The following EPHB6 variants were observed in gnomAD, a reference collection of about 807,000 sequenced individuals.
The protein encoded by EPHB6 is ephrin type-B receptor 6.
In EPHB6, 51 loss-of-function variants were observed where a neutral mutation model predicts 107.0. The observed-to-expected ratio is 0.48, with a 90% CI of 0.38 to 0.60. The LOEUF (loss-of-function observed/expected upper bound fraction) is 0.60. Among genes scored for constraint, EPHB6 ranks in the 20% least tolerant of loss-of-function variants. The pLI is 0.00. For synonymous variants in EPHB6, 553 were observed against 549.0 expected, an observed-to-expected ratio of 1.01 and a Z score of -0.10; for missense variants, 1,141 against 1,355.5, an observed-to-expected ratio of 0.84 and a Z score of 2.48.
At position 142,863,127 on chromosome 7, in the gene EPHB6, G is replaced by A. The variant is rs557719489; in HGVS notation, c.-101G>A. The A allele has an allele frequency of 4.1e-5, 40 of 964,816 alleles. No individual in the cohort carries two copies. In the South Asian group the frequency reaches 4.9e-4, roughly 12 times the overall value. 59.8% of individuals were successfully genotyped at this position (964,816 alleles called of 1,614,324 possible). A position where few individuals can be genotyped will look rare whatever the true frequency, so the allele number is the denominator to read the frequency against. On this transcript the variant is annotated splice_region_variant and 5_prime_UTR_variant, in exon 5 of 20. Transcript: ENST00000652003. ...CTTCTGGTCTTGTGTGTCTCCTCAGGAAGCAAGCTTAGCTGTACACCCTGA... is the reference window on the plus strand; with the variant it reads ...CTTCTGGTCTTGTGTGTCTCCTCAGAAAGCAAGCTTAGCTGTACACCCTGA...
In EPHB6 at chr7:142,864,143, T is replaced by C. The variant is rs2116416663; in HGVS notation, c.343T>C (p.Ser115Pro). Reference sequence around the variant, plus strand: ...ACTCCACTTCTCTGTGCGGGCATGCTCCAGCCTGGGTGTGAGCGGCGGCAC... The same window carrying C: ...ACTCCACTTCTCTGTGCGGGCATGCCCCAGCCTGGGTGTGAGCGGCGGCAC... ...IRLHFSVRAC[S>P]SLGVSGGTCR... Residue 115 changes from serine to proline, a missense_variant, in exon 7 of 20, where the codon TCC (serine) becomes CCC (proline). This residue lies in a region of EPHB6 where 221 missense variants were observed against 300.5 expected (regional missense o/e 0.74). Transcript: ENST00000652003. 1 of 1,614,028 alleles carries C rather than the reference T, an allele frequency of 6.2e-7. No homozygotes were observed. The highest frequency in any genetic ancestry group is 2.2e-5 in the East Asian group (1 of 44,874).
chr7:142,867,937 AG>A lies in EPHB6; in HGVS notation c.1866-55del. 3 of 1,548,756 alleles carry A rather than the reference AG, an allele frequency of 1.9e-6. No individual in the cohort carries two copies. The highest frequency in any genetic ancestry group is 2.6e-6 in the Non-Finnish European group (3 of 1,146,180). ...CTAAAGAGCAGTCTGGAGGGTGACA[AG>A]GGGGCAGCAAGGGGGTGGAAATGGG... On this transcript the variant is annotated intron_variant, in intron 12 of 19. Coordinates refer to ENST00000652003, the MANE Select transcript of EPHB6 (RefSeq NM_004445.6). This position sits in a 1 kb window ranked among gnomAD's most constrained non-coding sequence, Gnocchi z 5.3.
Position 142,867,711 on chromosome 7 carries a change from C to G in EPHB6, c.1854C>G (p.Val618=). 2 of 1,611,068 alleles carry G rather than the reference C, an allele frequency of 1.2e-6. No individual in the cohort carries two copies. The highest frequency in any genetic ancestry group is 8.5e-7 in the Non-Finnish European group (1 of 1,179,322). ...LLLAAITVLA[V]VFQRKRRGTG... The stretch of plus-strand genomic sequence containing the variant: ...TGGCAGCCATCACCGTGCTGGCGGT[C>G]GTCTTCCAGCGGTGAGTCCCCACCC... Residue 618 remains valine, a synonymous_variant, in exon 12 of 20, where the codon GTC becomes GTG. Transcript: ENST00000652003. This position sits in a 1 kb window ranked among gnomAD's most constrained non-coding sequence, Gnocchi z 5.3.
intron 2 of EPHB6, 159 bp from the exon 3 acceptor site, chr7:142,861,858 G>A (rs915288529): frequency 6.6e-6 from 1 of 152,208 alleles, no homozygotes; most frequent in East Asian, 1.9e-4. Flanking sequence ...CCTCCCAAGA[G>A]AATATTCCAA....
rs749000792 is a variant in EPHB6, at chr7:142,871,044, C to T, written c.*140C>T. ...CCGATGGCTGCATTCCCTGGTCCTC[C>T]GCCTCTCCACCAGCCCCCTCCTCAT... On this transcript the variant is annotated 3_prime_UTR_variant, in exon 20 of 20. Coordinates refer to ENST00000652003, the MANE Select transcript of EPHB6 (RefSeq NM_004445.6). The T allele has an allele frequency of 3.0e-5, 24 of 807,812 alleles. No homozygotes were observed. Among genetic ancestry groups the T allele is most frequent in the Admixed American group, 1.4e-4 (7 of 49,898 alleles). 50.0% of individuals were successfully genotyped at this position (807,812 alleles called of 1,614,324 possible).
At position 142,869,021 on chromosome 7, in the gene EPHB6, G is replaced by A. The variant is rs1586175447; in HGVS notation, c.2334G>A (p.Arg778=). The change falls in exon 16 of 20, where the codon CGG becomes CGA. Residue 778 remains arginine (R), a synonymous_variant. Coordinates refer to ENST00000652003, the MANE Select transcript of EPHB6 (RefSeq NM_004445.6). This position sits in a 1 kb window ranked among gnomAD's most constrained non-coding sequence, Gnocchi z 4.5. ...FSSLQLVAMQ[R]GVAAAMQYLS... ...GCCTGCAGCTGGTGGCCATGCAGCG[G>A]GGAGTGGCTGCTGCCATGCAGTACC... is the stretch of plus-strand genomic sequence containing the variant. 3 of 1,612,090 alleles carry A rather than the reference G, an allele frequency of 1.9e-6. No individual in the cohort carries two copies. The highest frequency in any genetic ancestry group is 2.5e-6 in the Non-Finnish European group (3 of 1,179,902).
Position 142,868,351 on chromosome 7 carries a change from A to G in EPHB6, c.2029A>G (p.Ile677Val), listed in dbSNP as rs1325754531. 1.2e-6 allele frequency: 2 copies of G among 1,614,142 alleles called. No homozygotes were observed. Among genetic ancestry groups the G allele is most frequent in the Non-Finnish European group, 1.7e-6 (2 of 1,180,022 alleles). Residue 677 changes from isoleucine (I) to valine (V), a missense_variant, in exon 14 of 20, where the codon ATT (isoleucine) becomes GTT (valine). By Grantham distance (29) the Ile-to-Val change is conservative. This residue lies in a region of EPHB6 where 616 missense variants were observed against 759.3 expected (regional missense o/e 0.81). Coordinates refer to ENST00000652003, the MANE Select transcript of EPHB6 (RefSeq NM_004445.6). This position sits in a 1 kb window ranked among gnomAD's most constrained non-coding sequence, Gnocchi z 4.2. ...TGCTTATATCAAGATTGAGGAGGTC[A>G]TTGGGACAGGTACAGCAGGGCCAAA... The part of the protein sequence containing the change: ...DPAYIKIEEV[I>V]GTGSFGEVRQ...
chr7:142,870,981 G>C lies in EPHB6; in HGVS notation c.*77G>C. 1 of 1,406,108 alleles carries C rather than the reference G, an allele frequency of 7.1e-7. No individual in the cohort carries two copies. Among genetic ancestry groups the C allele is most frequent in the Non-Finnish European group, 9.8e-7 (1 of 1,024,422 alleles). 87.1% of individuals were successfully genotyped at this position (1,406,108 alleles called of 1,614,324 possible). A position where few individuals can be genotyped will look rare whatever the true frequency, so the allele number is the denominator to read the frequency against. ...GTGGGACGTGAGCCGGGCTCCAACAGCCTCTGTGAGAGATGCCCCACACCA... is the reference window on the plus strand; with the variant it reads ...GTGGGACGTGAGCCGGGCTCCAACACCCTCTGTGAGAGATGCCCCACACCA... On this transcript the variant is annotated 3_prime_UTR_variant, in exon 20 of 20. Transcript: ENST00000652003.
At chr7:142,870,509 T>C in intron 18 of EPHB6, 21 bp from the exon 19 acceptor site, 4 of 1,614,156 alleles carry the variant, frequency 2.5e-6, no homozygotes, top group Non-Finnish European at 3.4e-6. Flanking sequence ...ACCTTGACCC[T>C]GCTTGCCCCT....
rs1472393065 is a variant in EPHB6, at chr7:142,866,897, T to TA, written c.1588-8dup. 3.7e-6 allele frequency: 6 copies of TA among 1,613,562 alleles called. No individual in the cohort carries two copies. Among genetic ancestry groups the TA allele is most frequent in the Non-Finnish European group, 5.1e-6 (6 of 1,179,810 alleles). On this transcript the variant is annotated splice_polypyrimidine_tract_variant and intron_variant, in intron 10 of 19. Coordinates refer to ENST00000652003, the MANE Select transcript of EPHB6 (RefSeq NM_004445.6). This position sits in a 1 kb window ranked among gnomAD's most constrained non-coding sequence, Gnocchi z 5.2. Reference sequence around the variant, plus strand: ...GGCCAGGCAGGGAGTGAGTGGCTGTTACCCCCAGGCAGAAGACGAATCCCA... The same window carrying TA: ...GGCCAGGCAGGGAGTGAGTGGCTGTTAACCCCCAGGCAGAAGACGAATCCCA...
rs766420702 is a variant in EPHB6 at position 142,870,552 on chromosome 7, C to G, written c.2827C>G (p.Pro943Ala). 2 of 1,614,142 alleles carry G rather than the reference C, an allele frequency of 1.2e-6. No homozygotes were observed. Among genetic ancestry groups the G allele is most frequent in the African/African-American group, 1.3e-5 (1 of 74,950 alleles). ...TAGGCCTTCCCAGGCCCTTCTGACC[C>G]CTGTGGCCCTGGACTTTCCTTGTCT... ...GERPSQALLTPVALDFPCLDS... is the reference protein window; with the variant it reads ...GERPSQALLTAVALDFPCLDS... The change falls in exon 19 of 20, where the codon CCT becomes GCT. Residue 943 changes from proline (P) to alanine (A), a missense_variant. Pro to Ala is a conservative substitution (Grantham distance 27). This residue lies in a region of EPHB6 where 616 missense variants were observed against 759.3 expected (regional missense o/e 0.81). Coordinates refer to ENST00000652003, the MANE Select transcript of EPHB6 (RefSeq NM_004445.6).
chr7:142,865,366 C>A, intron 7 of EPHB6, 109 bp from the exon 8 acceptor site: 1 of 1,426,476 alleles, frequency 7.0e-7, no homozygotes, highest in Non-Finnish European at 9.7e-7. Context: ...AAAGGAGAAC[C>A]AGCTCTGGGG....
intron 1 of EPHB6, among the ~76,000 whole-genome samples, chr7:142,858,999 C>G (rs146366082): frequency 2.0e-5 from 3 of 152,316 alleles, no homozygotes; most frequent in African/African-American, 4.8e-5. Context: ...GTCTCGTTTT[C>G]TCCACCATTG....
rs552538110 is a variant in EPHB6, at chr7:142,862,820, A to C, written c.-115A>C. On this transcript the variant is annotated 5_prime_UTR_variant, in exon 4 of 20. Coordinates refer to ENST00000652003, the MANE Select transcript of EPHB6 (RefSeq NM_004445.6). ...AAGAACTGGAATAACCCCTTGCAGA[A>C]AAAAAAAAAAAGGGTAAGATTGACC... 2 of 168,042 alleles carry C rather than the reference A, an allele frequency of 1.2e-5. No individual in the cohort carries two copies. The highest frequency in any genetic ancestry group is 1.8e-4 in the South Asian group (1 of 5,480). The allele number at this position is 168,042 out of a possible 1,614,324, so 10.4% of individuals were successfully genotyped here. A position where few individuals can be genotyped will look rare whatever the true frequency, so the allele number is the denominator to read the frequency against.
Position 142,870,931 on chromosome 7 carries a change from T to C in EPHB6, c.*27T>C. The stretch of plus-strand genomic sequence containing the variant: ...AATGACGATACCCGTGACTCAGCCC[T>C]GGACACTGGTCCGAGAAGGGACATG... On this transcript the variant is annotated 3_prime_UTR_variant, in exon 20 of 20. Transcript: ENST00000652003. 1.3e-6 allele frequency: 2 copies of C among 1,599,196 alleles called. No individual in the cohort carries two copies. The highest frequency in any genetic ancestry group is 1.7e-5 in the Admixed American group (1 of 59,642).
At chr7:142,863,805 TC>T (rs1281931233) in intron 6 of EPHB6, 110 bp downstream of exon 6, 2 of 1,481,366 alleles carry the variant, frequency 1.4e-6, no homozygotes, top group Admixed American at 3.4e-5. Flanking sequence ...GGGAAAAGGA[TC>T]CCTCCCTCTA....
chr7:142,861,765 A>C (rs1321425113), intron 2 of EPHB6, among the ~76,000 whole-genome samples: 3 of 152,234 alleles, frequency 2.0e-5, no homozygotes, highest in African/African-American at 7.2e-5. Flanking sequence ...TTGTTCAAAC[A>C]TCTGTGCAAA....
chr7:142,866,073 G>A lies in EPHB6; in HGVS notation c.1219G>A (p.Val407Met), dbSNP rs577469093. The A allele has an allele frequency of 5.8e-5, 94 of 1,611,582 alleles. No homozygotes were observed. The highest frequency in any genetic ancestry group is 2.0e-4 in the African/African-American group (15 of 74,996). The change falls in exon 9 of 20, where the codon GTG becomes ATG. Residue 407 changes from valine (V) to methionine (M), a missense_variant. This residue lies in a region of EPHB6 where 304 missense variants were observed against 295.7 expected (regional missense o/e 1.03). Transcript: ENST00000652003. The surrounding 1 kb of genome is among the most constrained non-coding windows in gnomAD (Gnocchi z 5.2). ...TCGAGGGGACCTGCTCTTCAATGTC[G>A]TGTGCAAGGAGTGTGAAGGCCGCCA... is the stretch of plus-strand genomic sequence containing the variant. ...GGRGDLLFNVVCKECEGRQEP... is the reference protein window; with the variant it reads ...GGRGDLLFNVMCKECEGRQEP...
chr7:142,869,664 T>C lies in EPHB6; in HGVS notation c.2461-153T>C. ...GACTATTGCTTCTGCTTCTGTGAAATGGAGATGATATCATCCACCTTAGAG... is the reference window on the plus strand; with the variant it reads ...GACTATTGCTTCTGCTTCTGTGAAACGGAGATGATATCATCCACCTTAGAG... On this transcript the variant is annotated intron_variant, in intron 16 of 19. Coordinates refer to ENST00000652003, the MANE Select transcript of EPHB6 (RefSeq NM_004445.6). The surrounding 1 kb of genome is among the most constrained non-coding windows in gnomAD (Gnocchi z 4.5). 1.2e-6 allele frequency: 1 copy of C among 865,980 alleles called. No individual in the cohort carries two copies. The highest frequency in any genetic ancestry group is 1.9e-6 in the Non-Finnish European group (1 of 539,782). The allele number at this position is 865,980 out of a possible 1,614,324, so 53.6% of individuals were successfully genotyped here. A position where few individuals can be genotyped will look rare whatever the true frequency, so the allele number is the denominator to read the frequency against.
Sources: gnomAD v4.1 joint callset for allele counts (sites outside exome capture counted in the v4.1 genomes callset) on GRCh38, gnomAD v4.1.1 for gene constraint, gnomAD v4.1.1 regional missense constraint, Gnocchi (gnomAD v3.1) non-coding constraint, MANE v1.5 for transcripts, NCBI Gene and HGNC (gene_info 2026-07-23, HGNC 2026-07-21) for gene names.